The following ENOX2 variants were observed in gnomAD, a reference collection of about 807,000 sequenced individuals.
The protein encoded by ENOX2 is ecto-NOX disulfide-thiol exchanger 2, also known as APK1 antigen.
ENOX2 carries 36 observed loss-of-function variants against 45.0 expected under a neutral mutation model. That is an observed-to-expected ratio of 0.80 (90% CI 0.61 to 1.06). ENOX2 has a LOEUF of 1.06. ENOX2 is among the 50% of genes least tolerant of loss of function. The pLI is 0.00. For synonymous variants in ENOX2, 174 were observed against 152.3 expected, an observed-to-expected ratio of 1.14 and a Z score of -1.05; for missense variants, 423 against 462.5, an observed-to-expected ratio of 0.91 and a Z score of 0.78.
In ENOX2 at chrX:130,903,204, C is replaced by A. The variant is rs1273412831; in HGVS notation, c.-386G>T. On this transcript the variant is annotated 5_prime_UTR_variant, in exon 1 of 15. Coordinates refer to ENST00000394363, the MANE Select transcript of ENOX2 (RefSeq NM_006375.4). ...CTCGCGCTTCCAGGCCTAGACCCGG[C>A]ACTCTGGCCCAAGGCTGGACTCTCA... 1 of 113,015 alleles carries A rather than the reference C, an allele frequency of 8.8e-6. No individual in the cohort carries two copies. The highest frequency in any genetic ancestry group is 1.9e-5 in the Non-Finnish European group (1 of 53,299). 9.3% of individuals were successfully genotyped at this position (113,015 alleles called of 1,213,427 possible).
intron 3 of ENOX2, among the ~76,000 whole-genome samples, chrX:130,762,044 T>C (rs1287362748): frequency 8.9e-6 from 1 of 112,078 alleles, no homozygotes; most frequent in Admixed American, 9.4e-5. Flanking sequence ...GTTTTCTGTT[T>C]TCAATTTCAT....
chrX:130,698,449 A>G (rs1452520894), intron 4 of ENOX2, among the ~76,000 whole-genome samples: 3 of 109,733 alleles, frequency 2.7e-5, no homozygotes, highest in Admixed American at 9.7e-5. Context: ...GATATGTTCC[A>G]TGGTGAATCT....
chrX:130,631,428 C>T, intron 13 of ENOX2, 40 bp downstream of exon 13: 1 of 755,182 alleles, frequency 1.3e-6, no homozygotes, highest in African/African-American at 2.0e-5. Context: ...TCCATTGTAC[C>T]CAGGCATTGT....
In ENOX2 at chrX:130,865,368, T is replaced by A. The variant is rs187388131; in HGVS notation, c.-183+36316A>T. ...TCCCTCTGGCTGCCTCATATGTGAA[T>A]CAGCAAGGCTAAACGATCTACCTCC... is the stretch of plus-strand genomic sequence containing the variant. On this transcript the variant is annotated intron_variant, in intron 2 of 14. Transcript: ENST00000394363. Among the ~76,000 whole-genome samples the A allele has an allele frequency of 3.0e-3, 332 of 111,711 alleles. 1 individual carries two copies. Among genetic ancestry groups the A allele is most frequent in the African/African-American group, 9.7e-3 (299 of 30,736 alleles).
intron 2 of ENOX2, among the ~76,000 whole-genome samples, chrX:130,854,275 G>A: frequency 8.9e-6 from 1 of 111,782 alleles, no homozygotes; most frequent in Non-Finnish European, 1.9e-5. Flanking sequence ...AATCCTGGAT[G>A]GACTCAATAG....
intron 10 of ENOX2, among the ~76,000 whole-genome samples, chrX:130,641,670 T>C (rs1284078628): frequency 3.9e-5 from 4 of 102,772 alleles, no homozygotes; most frequent in Non-Finnish European, 7.9e-5. Flanking sequence ...TGAGCTGAGA[T>C]TGTGCCATTG....
chrX:130,763,659 A>T (rs1424578722), intron 3 of ENOX2, among the ~76,000 whole-genome samples: 1 of 111,026 alleles, frequency 9.0e-6, no homozygotes. Flanking sequence ...ACTTGAGCTC[A>T]GGAGTTTGAG....
intron 3 of ENOX2, among the ~76,000 whole-genome samples, chrX:130,703,514 C>T (rs945894817): frequency 2.0e-5 from 2 of 101,750 alleles, no homozygotes; most frequent in African/African-American, 7.1e-5. Context: ...TTTCTTCCTT[C>T]TCTCTCTCTC....
At chrX:130,874,778 TA>T (rs1490537712) in intron 2 of ENOX2, among the ~76,000 whole-genome samples, 1 of 111,397 alleles carries the variant, frequency 9.0e-6, no homozygotes, top group Non-Finnish European at 1.9e-5. Flanking sequence ...ATGCAAGGAT[TA>T]AAACAGAAAC....
chrX:130,892,111 G>C (rs2078995929), intron 2 of ENOX2, among the ~76,000 whole-genome samples: 1 of 111,796 alleles, frequency 8.9e-6, no homozygotes, highest in Admixed American at 9.5e-5. Flanking sequence ...AGTAAAGACC[G>C]ATGAAAGCTA....
chrX:130,766,695 T>G (rs2039626809), intron 3 of ENOX2, among the ~76,000 whole-genome samples: 1 of 111,785 alleles, frequency 8.9e-6, no homozygotes, highest in Admixed American at 9.5e-5. Flanking sequence ...AGTCTCCAAA[T>G]TTCCCACTGA....
intron 2 of ENOX2, among the ~76,000 whole-genome samples, chrX:130,878,119 A>G (rs1402324168): frequency 8.9e-6 from 1 of 111,877 alleles, no homozygotes; most frequent in East Asian, 2.8e-4. Context: ...CCATGTGGAG[A>G]TGGTCCAAGA....
At chrX:130,828,537 T>C (rs977223001) in intron 2 of ENOX2, among the ~76,000 whole-genome samples, 1 of 112,079 alleles carries the variant, frequency 8.9e-6, no homozygotes. Context: ...GATTAAAACA[T>C]CTATATTCAT....
At chrX:130,722,124 G>C (rs2038494869) in intron 3 of ENOX2, among the ~76,000 whole-genome samples, 1 of 111,918 alleles carries the variant, frequency 8.9e-6, no homozygotes, top group Admixed American at 9.5e-5. Flanking sequence ...TCACAACAGG[G>C]TTGGTCAAAG....
chrX:130,761,741 A>G (rs1255504150), intron 3 of ENOX2, among the ~76,000 whole-genome samples: 2 of 110,789 alleles, frequency 1.8e-5, no homozygotes, highest in African/African-American at 6.6e-5. Context: ...TAAAATGGTC[A>G]GATCTCCTAA....
intron 3 of ENOX2, among the ~76,000 whole-genome samples, chrX:130,753,508 C>T (rs1029677640): frequency 5.6e-4 from 62 of 111,358 alleles, no homozygotes; most frequent in African/African-American, 2.0e-3. Context: ...CTATCCTTCC[C>T]TGTCTGTCTA....
chrX:130,772,913 A>G (rs1232224947), intron 3 of ENOX2, among the ~76,000 whole-genome samples: 1 of 112,422 alleles, frequency 8.9e-6, no homozygotes, highest in African/African-American at 3.2e-5. Context: ...CTAGTACGTA[A>G]AAGACACTCA....
intron 2 of ENOX2, among the ~76,000 whole-genome samples, chrX:130,832,405 A>G (rs952979799): frequency 4.0e-5 from 4 of 101,045 alleles, no homozygotes; most frequent in Admixed American, 1.1e-4. Context: ...GATACTAAAT[A>G]TAGATATTCC....
At chrX:130,719,091 T>G (rs1347780489) in intron 3 of ENOX2, among the ~76,000 whole-genome samples, 1 of 111,837 alleles carries the variant, frequency 8.9e-6, no homozygotes, top group Admixed American at 9.5e-5. Context: ...TTCCATTCTG[T>G]TTTTTAAAGG....
Sources: allele counts gnomAD v4.1 joint callset (sites outside exome capture counted in the v4.1 genomes callset), GRCh38; gene constraint gnomAD v4.1.1; transcripts MANE v1.5; gene names NCBI Gene and HGNC (gene_info 2026-07-23, HGNC 2026-07-21).